The following PLCL2 variants were observed in gnomAD, a reference collection of about 807,000 sequenced individuals.
PLCL2 encodes the protein phospholipase C like 2.
PLCL2 carries 4 observed loss-of-function variants against 79.6 expected under a neutral mutation model. The observed-to-expected ratio is 0.05, with a 90% CI of 0.02 to 0.11. The LOEUF is 0.11. PLCL2 is among the 10% of genes least tolerant of loss of function. The pLI is 1.00. For missense variants in PLCL2, 895 were observed against 1,291.0 expected, an observed-to-expected ratio of 0.69 and a Z score of 4.70; for synonymous variants, 484 against 457.7, an observed-to-expected ratio of 1.06 and a Z score of -0.73.
At position 17,010,702 on chromosome 3, in the gene PLCL2, T is replaced by G. The variant is rs764284169; in HGVS notation, c.1356T>G (p.Gly452=). The G allele has an allele frequency of 1.2e-6, 2 of 1,614,044 alleles. No homozygotes were observed. Among genetic ancestry groups the G allele is most frequent in the Non-Finnish European group, 8.5e-7 (1 of 1,179,972 alleles). The change falls in exon 2 of 6, where the codon GGT becomes GGG. Residue 452 remains glycine, a synonymous_variant. Coordinates refer to ENST00000615277, the MANE Select transcript of PLCL2 (RefSeq NM_001144382.2). This position sits in a 1 kb window ranked among gnomAD's most constrained non-coding sequence, Gnocchi z 5.8. ...NTYLIEDQFR[G]PSDITGYIRA... The stretch of plus-strand genomic sequence containing the variant: ...ACTTAATAGAGGATCAGTTCCGAGG[T>G]CCCTCCGACATCACAGGATATATTC...
intron 1 of PLCL2, among the ~76,000 whole-genome samples, chr3:16,915,190 G>A (rs1333646540): frequency 2.0e-5 from 3 of 152,192 alleles, no homozygotes; most frequent in Non-Finnish European, 4.4e-5. Context: ...GCTGAGCAAT[G>A]CATAACATTA....
At chr3:16,926,791 T>A (rs923412968) in intron 1 of PLCL2, among the ~76,000 whole-genome samples, 3 of 151,868 alleles carry the variant, frequency 2.0e-5, no homozygotes, top group African/African-American at 7.3e-5. Context: ...GCCACCATGG[T>A]TGGCTAATTT....
intron 1 of PLCL2, among the ~76,000 whole-genome samples, chr3:16,914,826 C>T (rs1272544370): frequency 1.3e-5 from 2 of 152,062 alleles, no homozygotes; most frequent in African/African-American, 4.8e-5. Context: ...GCCTCCTAGA[C>T]TCAAGTGACC....
intron 1 of PLCL2, among the ~76,000 whole-genome samples, chr3:17,002,330 C>A (rs925810770): frequency 1.3e-5 from 2 of 152,014 alleles, no homozygotes; most frequent in East Asian, 3.9e-4. Context: ...TGACTTATTT[C>A]TTTCCAATTT....
At chr3:16,944,759 GT>G (rs377143758) in intron 1 of PLCL2, among the ~76,000 whole-genome samples, 3,395 of 143,406 alleles carry the variant, frequency 0.024, 55 homozygotes, top group South Asian at 0.045. Flanking sequence ...TGTACTCCGG[GT>G]TTTTTTTTTT....
intron 3 of PLCL2, among the ~76,000 whole-genome samples, chr3:17,042,116 C>G (rs754211434): frequency 1.1e-4 from 17 of 151,702 alleles, no homozygotes; most frequent in Non-Finnish European, 1.8e-4. Flanking sequence ...ATAATTGTAC[C>G]CATTTGAGCC....
intron 1 of PLCL2, among the ~76,000 whole-genome samples, chr3:16,929,679 A>G (rs1261148286): frequency 1.3e-5 from 2 of 152,182 alleles, no homozygotes; most frequent in Non-Finnish European, 2.9e-5. Context: ...TGTACTGGGC[A>G]GGAGGATTTC....
intron 1 of PLCL2, among the ~76,000 whole-genome samples, chr3:16,936,218 C>T (rs1158504202): frequency 6.6e-6 from 1 of 152,198 alleles, no homozygotes; most frequent in Non-Finnish European, 1.5e-5. Context: ...AAAACTTTTA[C>T]AAGTAATTTA....
chr3:17,043,812 T>G (rs1169947525), intron 4 of PLCL2, among the ~76,000 whole-genome samples: 2 of 152,202 alleles, frequency 1.3e-5, no homozygotes, highest in African/African-American at 2.4e-5. Context: ...AGTATTCATA[T>G]TAGTGACTAA....
chr3:16,885,507 G>A, intron 1 of PLCL2, 141 bp downstream of exon 1: 1 of 482,588 alleles, frequency 2.1e-6, no homozygotes, highest in Non-Finnish European at 3.7e-6. Context: ...GGTTGAGCGG[G>A]GATTGGATGC....
chr3:17,001,678 T>C (rs2064212722), intron 1 of PLCL2, among the ~76,000 whole-genome samples: 1 of 152,202 alleles, frequency 6.6e-6, no homozygotes, highest in Non-Finnish European at 1.5e-5. Flanking sequence ...CATTGATTTA[T>C]TTCTGGGTTC....
chr3:17,078,158 T>TA (rs145568850), intron 5 of PLCL2, among the ~76,000 whole-genome samples: 165 of 152,358 alleles, frequency 1.1e-3, no homozygotes, highest in African/African-American at 3.7e-3. Context: ...CCCCCTGCTT[T>TA]AATCCACTTT....
chr3:16,972,440 C>T (rs560837096), intron 1 of PLCL2, among the ~76,000 whole-genome samples: 9 of 152,154 alleles, frequency 5.9e-5, no homozygotes, highest in Middle Eastern at 3.4e-3. Flanking sequence ...TTTTAGAGTA[C>T]GTGCCATGTG....
intron 5 of PLCL2, among the ~76,000 whole-genome samples, chr3:17,082,309 A>ATT (rs796353093): frequency 3.4e-5 from 5 of 145,142 alleles, no homozygotes; most frequent in African/African-American, 5.0e-5. Flanking sequence ...ATGCCAGCTA[A>ATT]TTTTTTTTTT....
Position 17,010,520 on chromosome 3 carries a change from A to C in PLCL2, c.1174A>C (p.Lys392Gln). ...AATTATTCACAAATATGAACCATCC[A>C]AAGAGGGTCAGGAAAAGGGCTGGCT... ...LEIIHKYEPS[K>Q]EGQEKGWLSI... The change falls in exon 2 of 6, where the codon AAA becomes CAA. Residue 392 changes from lysine to glutamine, a missense_variant. By Grantham distance (53) the Lys-to-Gln change is moderately conservative. Transcript: ENST00000615277. This position sits in a 1 kb window ranked among gnomAD's most constrained non-coding sequence, Gnocchi z 5.8. 6.2e-7 allele frequency: 1 copy of C among 1,614,072 alleles called. No homozygotes were observed. Among genetic ancestry groups the C allele is most frequent in the Non-Finnish European group, 8.5e-7 (1 of 1,179,962 alleles).
intron 1 of PLCL2, among the ~76,000 whole-genome samples, chr3:16,966,523 T>C (rs1053333384): frequency 6.6e-6 from 1 of 152,132 alleles, no homozygotes; most frequent in Non-Finnish European, 1.5e-5. Flanking sequence ...CAGGATGATG[T>C]TGGCCTCATA....
At chr3:16,986,485 C>G (rs2064051693) in intron 1 of PLCL2, among the ~76,000 whole-genome samples, 1 of 152,126 alleles carries the variant, frequency 6.6e-6, no homozygotes, top group Admixed American at 6.5e-5. Flanking sequence ...CACTGCAACC[C>G]CCACCGCCTG....
At chr3:16,991,993 ACAG>A (rs1191695981) in intron 1 of PLCL2, among the ~76,000 whole-genome samples, 1 of 152,214 alleles carries the variant, frequency 6.6e-6, no homozygotes, top group Non-Finnish European at 1.5e-5. Flanking sequence ...GCCATGAGCC[ACAG>A]ACTCAACTCA....
intron 3 of PLCL2, among the ~76,000 whole-genome samples, chr3:17,041,345 C>T (rs1436585486): frequency 2.0e-5 from 3 of 152,156 alleles, no homozygotes; most frequent in African/African-American, 7.2e-5. Flanking sequence ...GGTTTCCACA[C>T]AGGGGCTGCC....
Sources: gnomAD v4.1 joint callset for allele counts (sites outside exome capture counted in the v4.1 genomes callset) on GRCh38, gnomAD v4.1.1 for gene constraint, Gnocchi (gnomAD v3.1) non-coding constraint, MANE v1.5 for transcripts, NCBI Gene and HGNC (gene_info 2026-07-23, HGNC 2026-07-21) for gene names.